Variants in ITPRID1 observed in about 807,000 individuals in gnomAD.
ITPRID1 encodes ITPR interacting domain containing 1.
ITPRID1 carries 96 observed loss-of-function variants against 95.4 expected under a neutral mutation model. The observed-to-expected ratio is 1.01, with a 90% CI of 0.85 to 1.19. ITPRID1 has a LOEUF of 1.19. ITPRID1 is among the 50% of genes most tolerant of loss of function. The pLI is 0.00. For missense variants in ITPRID1, 1,339 were observed against 1,252.9 expected (o/e 1.07, Z -1.04); for synonymous variants, 510 against 453.6 (o/e 1.12, Z -1.58).
At chr7:31,580,228 G>T (rs1451170936) in intron 9 of ITPRID1, among the ~76,000 whole-genome samples, 1 of 150,538 alleles carries the variant, frequency 6.6e-6, no homozygotes, top group African/African-American at 2.4e-5. Context: ...AACCCGGGAG[G>T]TGGAGGTTGC....
intron 10 of ITPRID1, among the ~76,000 whole-genome samples, chr7:31,607,278 C>G (rs543791962): frequency 1.3e-5 from 2 of 152,256 alleles, no homozygotes; most frequent in Admixed American, 1.3e-4. Flanking sequence ...TGGATCCTTG[C>G]TGGATCTCCC....
In ITPRID1 at chr7:31,642,706, A is replaced by G. The variant is rs775277193; in HGVS notation, c.1336A>G (p.Ser446Gly). 5.0e-6 allele frequency: 8 copies of G among 1,613,782 alleles called. No homozygotes were observed. In the African/African-American group the frequency reaches 9.3e-5, roughly 19 times the overall value. ...GATGCCTTCCTTGCCAAACAGCCAG[A>G]GTCCTGCTGAGAATGGAGGTAGAAA... Reference protein sequence around the residue: ...LQMPSLPNSQSPAENGGRKPR... With the variant: ...LQMPSLPNSQGPAENGGRKPR... The change falls in exon 12 of 15, where the codon AGT (serine) becomes GGT (glycine). Residue 446 changes from serine (S) to glycine (G), a missense_variant. Physicochemically the swap from Ser to Gly is moderately conservative, Grantham distance 56. Coordinates refer to ENST00000615280, the MANE Select transcript of ITPRID1 (RefSeq NM_001257967.3).
In ITPRID1 at chr7:31,653,624, A is replaced by T. The variant is rs1169821886; in HGVS notation, c.*795A>T. 1.3e-5 allele frequency: 2 copies of T among 151,690 alleles called. No individual in the cohort carries two copies. The highest frequency in any genetic ancestry group is 2.4e-5 in the African/African-American group (1 of 41,386). 9.4% of individuals were successfully genotyped at this position (151,690 alleles called of 1,614,324 possible). On this transcript the variant is annotated 3_prime_UTR_variant, in exon 15 of 15. Transcript: ENST00000615280. ...ATTGTGAGGGAGGTATTTAGCTTTT[A>T]AAAAAATCTTTGTAGCTATCTCATT... is the stretch of plus-strand genomic sequence containing the variant.
At chr7:31,540,700 C>A (rs951136347) in intron 1 of ITPRID1, among the ~76,000 whole-genome samples, 3 of 152,072 alleles carry the variant, frequency 2.0e-5, no homozygotes, top group African/African-American at 7.2e-5. Flanking sequence ...GAGATAAGAC[C>A]TTTTTAAAGC....
intron 12 of ITPRID1, among the ~76,000 whole-genome samples, chr7:31,647,360 T>A (rs1008225529): frequency 3.3e-5 from 5 of 152,062 alleles, no homozygotes; most frequent in Admixed American, 2.6e-4. Context: ...GAGATGGACA[T>A]CTCTTAGAAG....
chr7:31,573,727 G>C (rs1199651436), intron 7 of ITPRID1, among the ~76,000 whole-genome samples: 3 of 151,486 alleles, frequency 2.0e-5, no homozygotes, highest in Non-Finnish European at 4.4e-5. Flanking sequence ...CTTAGGCAAA[G>C]TTCAGACATG....
intron 1 of ITPRID1, among the ~76,000 whole-genome samples, chr7:31,530,001 A>C (rs1177100920): frequency 6.6e-6 from 1 of 152,112 alleles, no homozygotes; most frequent in Non-Finnish European, 1.5e-5. Flanking sequence ...AACTATTAGC[A>C]AGAAGATGAA....
intron 1 of ITPRID1, among the ~76,000 whole-genome samples, chr7:31,519,614 C>CTA (rs1396946575): frequency 1.7e-3 from 72 of 43,144 alleles, no homozygotes; most frequent in South Asian, 2.4e-3. Context: ...CTCTCTCTCT[C>CTA]TCTCTCTATA....
chr7:31,549,017 T>TG (rs1193389392), intron 1 of ITPRID1, among the ~76,000 whole-genome samples: 2 of 152,106 alleles, frequency 1.3e-5, no homozygotes. Flanking sequence ...ACTGAGGCTA[T>TG]GACAATGAGG....
At chr7:31,596,905 T>C (rs1786113066) in intron 10 of ITPRID1, among the ~76,000 whole-genome samples, 1 of 151,822 alleles carries the variant, frequency 6.6e-6, no homozygotes, top group African/African-American at 2.4e-5. Context: ...ACAGTAGAAG[T>C]ACATAAAGAT....
intron 10 of ITPRID1, among the ~76,000 whole-genome samples, chr7:31,615,395 A>C (rs2128167210): frequency 6.6e-6 from 1 of 152,254 alleles, no homozygotes; most frequent in South Asian, 2.1e-4. Context: ...TGGCAGTTGT[A>C]AGGATTATAG....
At chr7:31,578,922 C>CT (rs1785296936) in intron 9 of ITPRID1, among the ~76,000 whole-genome samples, 1 of 152,116 alleles carries the variant, frequency 6.6e-6, no homozygotes, top group Non-Finnish European at 1.5e-5. Flanking sequence ...TCCTTTAGGG[C>CT]CGGGGGTGTG....
chr7:31,586,573 C>T (rs1785619353), intron 10 of ITPRID1, among the ~76,000 whole-genome samples: 1 of 151,296 alleles, frequency 6.6e-6, no homozygotes, highest in South Asian at 2.1e-4. Context: ...TTTTGATTTG[C>T]ATTTCTCTGA....
At chr7:31,598,956 G>T (rs553251043) in intron 10 of ITPRID1, among the ~76,000 whole-genome samples, 10 of 152,310 alleles carry the variant, frequency 6.6e-5, no homozygotes, top group East Asian at 1.9e-4. Flanking sequence ...CTCTGACTCT[G>T]TTGGTTGGAT....
chr7:31,573,197 G>T (rs1398894914), intron 7 of ITPRID1, among the ~76,000 whole-genome samples: 1 of 152,122 alleles, frequency 6.6e-6, no homozygotes, highest in Non-Finnish European at 1.5e-5. Context: ...TTAACTTATT[G>T]TGATTTCAAA....
At chr7:31,520,823 A>T (rs771119759) in intron 1 of ITPRID1, among the ~76,000 whole-genome samples, 3 of 151,942 alleles carry the variant, frequency 2.0e-5, no homozygotes, top group Non-Finnish European at 2.9e-5. Flanking sequence ...AATCATTTAT[A>T]CCTATATTAA....
chr7:31,630,244 C>CAAAAAAAA (rs71557496), intron 10 of ITPRID1, among the ~76,000 whole-genome samples: 1 of 103,720 alleles, frequency 9.6e-6, no homozygotes, highest in Non-Finnish European at 1.8e-5. Flanking sequence ...GTCTACTTGG[C>CAAAAAAAA]AAAAAAAAAA....
intron 12 of ITPRID1, among the ~76,000 whole-genome samples, chr7:31,646,498 C>T (rs1790481808): frequency 6.6e-6 from 1 of 152,104 alleles, no homozygotes; most frequent in Admixed American, 6.5e-5. Flanking sequence ...CCAGATTCCT[C>T]ATGGTAAGGA....
chr7:31,573,512 G>A (rs1785069182), intron 7 of ITPRID1, among the ~76,000 whole-genome samples: 1 of 152,096 alleles, frequency 6.6e-6, no homozygotes, highest in Non-Finnish European at 1.5e-5. Flanking sequence ...TAAATGAATT[G>A]TAGTTAATCC....
Sources: allele counts gnomAD v4.1 joint callset (sites outside exome capture counted in the v4.1 genomes callset), GRCh38; gene constraint gnomAD v4.1.1; transcripts MANE v1.5; gene names NCBI Gene and HGNC (gene_info 2026-07-23, HGNC 2026-07-21).